Variants in MACF1 observed in about 807,000 individuals in gnomAD.
MACF1 encodes the protein microtubule actin crosslinking factor 1.
In MACF1, 193 loss-of-function variants were observed where a neutral mutation model predicts 854.8. The observed-to-expected ratio is 0.23, with a 90% CI of 0.20 to 0.25. MACF1 has a LOEUF of 0.25. Among genes scored for constraint, MACF1 ranks in the 10% least tolerant of loss-of-function variants. The pLI, the probability that MACF1 is intolerant of heterozygous loss-of-function variation, is 1.00. For synonymous variants in MACF1, 3,185 were observed against 3,226.7 expected (o/e 0.99, Z 0.44); for missense variants, 7,722 against 8,929.1 (o/e 0.86, Z 5.45).
intron 52 of MACF1, among the ~76,000 whole-genome samples, chr1:39,377,020 T>A (rs1649781491): frequency 6.6e-6 from 1 of 151,882 alleles, no homozygotes; most frequent in Non-Finnish European, 1.5e-5. Flanking sequence ...TTGTTTTTGT[T>A]GTTGTTTTGA....
chr1:39,189,331 A>G (rs1201452685), intron 2 of MACF1, among the ~76,000 whole-genome samples: 3 of 152,188 alleles, frequency 2.0e-5, no homozygotes, highest in Admixed American at 1.3e-4. Flanking sequence ...CCAGTGTATC[A>G]AACTTTTGTT....
intron 25 of MACF1, 36 bp from the exon 26 acceptor site, chr1:39,310,795 C>T (rs773164551): frequency 1.7e-5 from 27 of 1,568,340 alleles, no homozygotes; most frequent in East Asian, 2.2e-5. Context: ...TCTCTGATGT[C>T]GAGCTTACTG....
In MACF1 at chr1:39,205,145, A is replaced by G; in HGVS notation, c.109+14A>G. 1 of 702,960 alleles carries G rather than the reference A, an allele frequency of 1.4e-6. No homozygotes were observed. The highest frequency in any genetic ancestry group is 2.6e-6 in the Non-Finnish European group (1 of 384,964). 43.5% of individuals were successfully genotyped at this position (702,960 alleles called of 1,614,324 possible). Reference sequence around the variant, plus strand: ...GAGGTAGAGCAGGTAACTAACTGGTACCCAGTTATTCTTTAAATCTACTGT... The same window carrying G: ...GAGGTAGAGCAGGTAACTAACTGGTGCCCAGTTATTCTTTAAATCTACTGT... On this transcript the variant is annotated intron_variant, in intron 1 of 100. Transcript: ENST00000564288.
intron 7 of MACF1, among the ~76,000 whole-genome samples, chr1:39,282,885 A>G (rs886442816): frequency 2.0e-5 from 3 of 152,220 alleles, no homozygotes; most frequent in African/African-American, 7.2e-5. Flanking sequence ...ATTCTGAATG[A>G]CAAAAATAAA....
Position 39,442,493 on chromosome 1 carries a change from G to A in MACF1, c.19030G>A (p.Glu6344Lys), listed in dbSNP as rs147673829. The A allele has an allele frequency of 2.3e-4, 379 of 1,614,024 alleles. 1 individual carries two copies. The highest frequency in any genetic ancestry group is 3.1e-4 in the Non-Finnish European group (366 of 1,180,010). The stretch of plus-strand genomic sequence containing the variant: ...ACTAATGAGTTGGCTGACTCATACC[G>A]AAGAGTTGTTAGATGCTCAGAGACC... The part of the protein sequence containing the change: ...EELMSWLTHT[E>K]ELLDAQRPIS... The change falls in exon 77 of 101, where the codon GAA becomes AAA. Residue 6344 changes from glutamate (E) to lysine (K), a missense_variant. Around this residue, in one of 15 missense-constraint regions of MACF1, gnomAD observed 2,807 missense variants for 3,235.8 expected, o/e 0.87. Coordinates refer to ENST00000564288, the MANE Select transcript of MACF1 (RefSeq NM_001394062.1).
chr1:39,162,523 AG>A (rs1322271466), intron 2 of MACF1, among the ~76,000 whole-genome samples: 4 of 152,080 alleles, frequency 2.6e-5, no homozygotes, highest in Non-Finnish European at 4.4e-5. Flanking sequence ...TTGTATTCCC[AG>A]TAGAATTATT....
chr1:39,319,611 C>T (rs1192234854), intron 30 of MACF1, 53 bp from the exon 31 acceptor site: 2 of 1,218,320 alleles, frequency 1.6e-6, no homozygotes, highest in Admixed American at 1.7e-5. Flanking sequence ...AAATGTTCAG[C>T]TCTTTCAATG....
chr1:39,410,914 C>T, intron 58 of MACF1: 2 of 1,613,986 alleles, frequency 1.2e-6, no homozygotes, highest in Non-Finnish European at 1.7e-6. Context: ...TGGAGACTGC[C>T]AGGACTTTAG....
chr1:39,181,067 A>G (rs931560570), intron 2 of MACF1, among the ~76,000 whole-genome samples: 2 of 152,152 alleles, frequency 1.3e-5, no homozygotes, highest in African/African-American at 4.8e-5. Flanking sequence ...TACCATGCCC[A>G]GCTAATATTT....
intron 1 of MACF1, among the ~76,000 whole-genome samples, chr1:39,224,643 C>T (rs149381450): frequency 2.3e-4 from 35 of 151,956 alleles, no homozygotes; most frequent in African/African-American, 8.5e-4. Context: ...GTTCAGAAGC[C>T]AACAGGAGAG....
intron 6 of MACF1, among the ~76,000 whole-genome samples, chr1:39,278,410 G>T (rs891700063): frequency 6.6e-6 from 1 of 152,090 alleles, no homozygotes; most frequent in Non-Finnish European, 1.5e-5. Flanking sequence ...TTACAACTAT[G>T]TTTAAAATCT....
intron 79 of MACF1, among the ~76,000 whole-genome samples, chr1:39,444,262 G>C (rs1215032902): frequency 1.3e-5 from 2 of 152,006 alleles, no homozygotes; most frequent in African/African-American, 4.8e-5. Flanking sequence ...GTGAACCCGG[G>C]AGGCGGAGCT....
chr1:39,352,067 T>TCAG (rs1321880662), intron 43 of MACF1, among the ~76,000 whole-genome samples: 1 of 152,106 alleles, frequency 6.6e-6, no homozygotes. Flanking sequence ...TGCACCCCAC[T>TCAG]CAGCACTGGC....
upstream of MACF1, among the ~76,000 whole-genome samples, chr1:39,200,197 T>G (rs1216914685): frequency 6.6e-6 from 1 of 152,236 alleles, no homozygotes; most frequent in East Asian, 1.9e-4. Flanking sequence ...GGTTAATTGC[T>G]ACTTTTTAGA....
intron 40 of MACF1, among the ~76,000 whole-genome samples, chr1:39,341,612 C>T (rs1250124681): frequency 2.0e-5 from 3 of 151,636 alleles, no homozygotes; most frequent in Non-Finnish European, 2.9e-5. Flanking sequence ...GCAGGAGAAT[C>T]GCTTGAACCC....
chr1:39,215,426 A>T (rs1409146603), intron 1 of MACF1: 2 of 146,296 alleles, frequency 1.4e-5, no homozygotes, highest in African/African-American at 2.5e-5. Flanking sequence ...CATGTGCTGT[A>T]TGGGTTAGTA....
intron 26 of MACF1, among the ~76,000 whole-genome samples, chr1:39,314,294 A>G (rs991884388): frequency 6.6e-6 from 1 of 152,060 alleles, no homozygotes; most frequent in African/African-American, 2.4e-5. Context: ...CTGTAATCCT[A>G]GCTACTTGGG....
In MACF1 at chr1:39,084,329, T is replaced by C. The variant is rs1381283761; in HGVS notation, c.111T>C (p.Cys37=). The C allele has an allele frequency of 1.2e-6, 2 of 1,613,924 alleles. No homozygotes were observed. Among genetic ancestry groups the C allele is most frequent in the Non-Finnish European group, 1.7e-6 (2 of 1,180,002 alleles). ...AGCGGTCGGGGAGCCTGTCTCCCTG[T>C]CCCCCAGGGGACACCTTGCCCTGGA... is the stretch of plus-strand genomic sequence containing the variant. Residue 37 remains cysteine (C), a synonymous_variant, in exon 2 of 94, where the codon TGT becomes TGC. Transcript: ENST00000361689. The surrounding 1 kb of genome is among the most constrained non-coding windows in gnomAD (Gnocchi z 5.2).
intron 23 of MACF1, among the ~76,000 whole-genome samples, chr1:39,307,897 C>CTTTCTTTTT (rs1646217806): frequency 3.1e-5 from 3 of 96,214 alleles, no homozygotes; most frequent in African/African-American, 1.2e-4. Context: ...TTCTTTCTTT[C>CTTTCTTTTT]TTTCTTTTTT....
Sources: allele counts gnomAD v4.1 joint callset (sites outside exome capture counted in the v4.1 genomes callset), GRCh38; gene constraint gnomAD v4.1.1; regional missense constraint gnomAD v4.1.1; non-coding constraint Gnocchi (gnomAD v3.1); transcripts MANE v1.5; gene names NCBI Gene and HGNC (gene_info 2026-07-23, HGNC 2026-07-21).